ADAMTS8: variants seen among roughly 807,000 people sequenced by gnomAD.
ADAMTS8 encodes ADAM metallopeptidase with thrombospondin type 1 motif 8, also known as A disintegrin and metalloproteinase with thrombospondin motifs 8.
A neutral mutation model predicts 64.4 loss-of-function variants in ADAMTS8; 50 were observed. The ratio of observed to expected loss-of-function variants is 0.78; its 90% confidence interval spans 0.62 to 0.98. The LOEUF (loss-of-function observed/expected upper bound fraction) is 0.98, where lower values mean the gene tolerates loss of function less well. Among genes scored for constraint, ADAMTS8 ranks in the 50% least tolerant of loss-of-function variants. ADAMTS8 has a pLI of 0.00. For synonymous variants in ADAMTS8, 556 were observed against 533.6 expected (o/e 1.04, Z -0.58); for missense variants, 1,192 against 1,208.2 (o/e 0.99, Z 0.20).
chr11:130,422,382 C>T lies in ADAMTS8; in HGVS notation c.721-3090G>A, dbSNP rs190584754. On this transcript the variant is annotated intron_variant, in intron 1 of 8. Coordinates refer to ENST00000257359, the MANE Select transcript of ADAMTS8 (RefSeq NM_007037.6). ...CCTTCCTCAGAGCTTCTGTGGTAGC[C>T]GAAGCCAGCTGCGGTGGGTGATGGG... 3.3e-3 allele frequency among the ~76,000 whole-genome samples: 502 copies of T among 152,284 alleles called. 2 individuals carry two copies. The highest frequency in any genetic ancestry group is 4.8e-3 in the Admixed American group (73 of 15,294).
At chr11:130,422,348 A>G (rs1244650812) in intron 1 of ADAMTS8, among the ~76,000 whole-genome samples, 1 of 152,162 alleles carries the variant, frequency 6.6e-6, no homozygotes, top group Non-Finnish European at 1.5e-5. Context: ...AGATACGAAC[A>G]AGGAGATTCC....
chr11:130,407,652 C>CAG (rs1861901035), intron 8 of ADAMTS8, among the ~76,000 whole-genome samples: 1 of 152,176 alleles, frequency 6.6e-6, no homozygotes, highest in African/African-American at 2.4e-5. Flanking sequence ...GGCAGACAGG[C>CAG]AGAGTGTGGC....
rs765978068 is a variant in ADAMTS8, at chr11:130,416,145, G to A, written c.1264+18C>T. 3.9e-6 allele frequency: 6 copies of A among 1,553,952 alleles called. No individual in the cohort carries two copies. The highest frequency in any genetic ancestry group is 1.4e-5 in the African/African-American group (1 of 73,768). On this transcript the variant is annotated intron_variant, in intron 4 of 8. Transcript: ENST00000257359. The surrounding 1 kb of genome is among the most constrained non-coding windows in gnomAD (Gnocchi z 4.8). ...GGAGGCCCACGGGGACAAGTAGGGC[G>A]GGGCCGCCGGTGCCTACCGTGCCCG... is the stretch of plus-strand genomic sequence containing the variant.
intron 6 of ADAMTS8, among the ~76,000 whole-genome samples, chr11:130,409,770 C>G (rs1861930366): frequency 6.6e-6 from 1 of 152,172 alleles, no homozygotes; most frequent in Non-Finnish European, 1.5e-5. Flanking sequence ...GGGTTGCTTT[C>G]CACCCCCAAA....
chr11:130,406,248 A>G (rs1592127110), intron 8 of ADAMTS8, 120 bp from the exon 9 acceptor site: 2 of 1,260,356 alleles, frequency 1.6e-6, no homozygotes, highest in Non-Finnish European at 2.1e-6. Flanking sequence ...AAAGCAAGTA[A>G]TTAAGCAAGT....
chr11:130,422,321 C>T (rs1249923748), intron 1 of ADAMTS8, among the ~76,000 whole-genome samples: 1 of 152,114 alleles, frequency 6.6e-6, no homozygotes, highest in African/African-American at 2.4e-5. Flanking sequence ...TGGGCCAGAG[C>T]CCCTTTTGGT....
Position 130,427,966 on chromosome 11 carries a change from A to T in ADAMTS8, c.321T>A (p.Asn107Lys). 6.5e-7 allele frequency: 1 copy of T among 1,531,498 alleles called. No homozygotes were observed. Among genetic ancestry groups the T allele is most frequent in the South Asian group, 1.2e-5 (1 of 83,858 alleles). 94.9% of individuals were successfully genotyped at this position (1,531,498 alleles called of 1,614,324 possible). A position where few individuals can be genotyped will look rare whatever the true frequency, so the allele number is the denominator to read the frequency against. ...LRGCFFSGTVNGEPESLAAVS... is the reference protein window; with the variant it reads ...LRGCFFSGTVKGEPESLAAVS... ...CCGCCGCCAGCGACTCGGGCTCCCCATTCACGGTGCCGGAGAAGAAGCAGC... is the reference window on the plus strand; with the variant it reads ...CCGCCGCCAGCGACTCGGGCTCCCCTTTCACGGTGCCGGAGAAGAAGCAGC... The change falls in exon 1 of 9, where the codon AAT (asparagine) becomes AAA (lysine). Residue 107 changes from asparagine (N) to lysine (K), a missense_variant. Asn to Lys is a moderately conservative substitution (Grantham distance 94). Coordinates refer to ENST00000257359, the MANE Select transcript of ADAMTS8 (RefSeq NM_007037.6).
Position 130,427,680 on chromosome 11 carries a change from G to C in ADAMTS8, c.607C>G (p.Pro203Ala). The C allele has an allele frequency of 5.6e-6, 9 of 1,596,198 alleles. No homozygotes were observed. Among genetic ancestry groups the C allele is most frequent in the African/African-American group, 1.3e-5 (1 of 74,678 alleles). ...GTCCTACTCGTGGCCCCCAGGGGCG[G>C]TGGCGGCTCGCTAGCGCCTTCTGCC... ...EEAEGASEPP[P>A]PLGATSRTKR... The change falls in exon 1 of 9, where the codon CCG (proline) becomes GCG (alanine). Residue 203 changes from proline (P) to alanine (A), a missense_variant. Physicochemically the swap from Pro to Ala is conservative, Grantham distance 27 (BLOSUM62 -1). Coordinates refer to ENST00000257359, the MANE Select transcript of ADAMTS8 (RefSeq NM_007037.6).
chr11:130,427,238 C>A (rs1419015038), intron 1 of ADAMTS8, among the ~76,000 whole-genome samples: 1 of 152,158 alleles, frequency 6.6e-6, no homozygotes, highest in Non-Finnish European at 1.5e-5. Flanking sequence ...CCGGGGAATG[C>A]GTTGATACCC....
chr11:130,427,477 CAGAG>C (rs1233454174), intron 1 of ADAMTS8, 86 bp downstream of exon 1: 8 of 340,052 alleles, frequency 2.4e-5, no homozygotes, highest in South Asian at 2.2e-4. Flanking sequence ...TTTTTTTTCT[CAGAG>C]GGATTGGAAG....
chr11:130,426,256 G>A (rs1862165438), intron 1 of ADAMTS8, among the ~76,000 whole-genome samples: 1 of 152,094 alleles, frequency 6.6e-6, no homozygotes, highest in South Asian at 2.1e-4. Flanking sequence ...TTTCTCCCTG[G>A]GTCTTTCCTA....
chr11:130,419,582 G>A (rs73569464), intron 1 of ADAMTS8, among the ~76,000 whole-genome samples: 4,757 of 152,264 alleles, frequency 0.031, 261 homozygotes, highest in African/African-American at 0.11. Context: ...TTCAGGGGAC[G>A]ACCTAAATCC....
chr11:130,428,357 C>G lies in ADAMTS8; in HGVS notation c.-71G>C. 8.1e-7 allele frequency: 1 copy of G among 1,235,014 alleles called. No homozygotes were observed. The highest frequency in any genetic ancestry group is 1.8e-5 in the South Asian group (1 of 54,618). 76.5% of individuals were successfully genotyped at this position (1,235,014 alleles called of 1,614,324 possible). Reference sequence around the variant, plus strand: ...CAGGCGCGGGCAGGTGCTGGCGGCCCGAGCGCGGCCCGGCCGCTCTCTCCA... The same window carrying G: ...CAGGCGCGGGCAGGTGCTGGCGGCCGGAGCGCGGCCCGGCCGCTCTCTCCA... On this transcript the variant is annotated 5_prime_UTR_variant, in exon 1 of 9. Coordinates refer to ENST00000257359, the MANE Select transcript of ADAMTS8 (RefSeq NM_007037.6).
intron 8 of ADAMTS8, among the ~76,000 whole-genome samples, chr11:130,406,799 A>G (rs1195413189): frequency 2.0e-5 from 3 of 152,214 alleles, no homozygotes; most frequent in Admixed American, 6.5e-5. Flanking sequence ...CCAGTCCATT[A>G]TAGGCTTAGG....
Position 130,408,583 on chromosome 11 carries a change from C to G in ADAMTS8, c.1980G>C (p.Gln660His). Residue 660 changes from glutamine (Q) to histidine (H), a missense_variant, in exon 8 of 9, where the codon CAG becomes CAC. Physicochemically the swap from Gln to His is conservative, Grantham distance 24 (BLOSUM62 0). Transcript: ENST00000257359. ...CATGGTCACAGCCGGCCTTGACACA[C>G]TGGCCACGGACACAGATGGCCAGTG... ...PETLAICVRG[Q>H]CVKAGCDHVV... 3 of 1,614,216 alleles carry G rather than the reference C, an allele frequency of 1.9e-6. No homozygotes were observed. Among genetic ancestry groups the G allele is most frequent in the Non-Finnish European group, 2.5e-6 (3 of 1,180,040 alleles).
At chr11:130,424,353 T>C (rs1246344635) in intron 1 of ADAMTS8, among the ~76,000 whole-genome samples, 1 of 152,192 alleles carries the variant, frequency 6.6e-6, no homozygotes, top group Admixed American at 6.5e-5. Context: ...ACTGGTATTT[T>C]CATGGAGGTG....
chr11:130,427,113 C>G (rs1862176848), intron 1 of ADAMTS8, among the ~76,000 whole-genome samples: 1 of 152,272 alleles, frequency 6.6e-6, no homozygotes, highest in South Asian at 2.1e-4. Context: ...CTCTCTCCAT[C>G]CCATCTGCCT....
At chr11:130,420,378 C>G (rs1320094343) in intron 1 of ADAMTS8, among the ~76,000 whole-genome samples, 2 of 152,206 alleles carry the variant, frequency 1.3e-5, no homozygotes, top group African/African-American at 4.8e-5. Flanking sequence ...CGCTCTCCTG[C>G]CTCAGCGACC....
In ADAMTS8 at chr11:130,416,852, C is replaced by A; in HGVS notation, c.1096+88G>T. 3 of 1,573,552 alleles carry A rather than the reference C, an allele frequency of 1.9e-6. No homozygotes were observed. The highest frequency in any genetic ancestry group is 2.6e-6 in the Non-Finnish European group (3 of 1,152,182). On this transcript the variant is annotated intron_variant, in intron 3 of 8. Coordinates refer to ENST00000257359, the MANE Select transcript of ADAMTS8 (RefSeq NM_007037.6). The surrounding 1 kb of genome is among the most constrained non-coding windows in gnomAD (Gnocchi z 4.8). ...AGGAGCTATTCCTAAGCAAGGGCCG[C>A]ATATTCCTTAGGATCTACGCAACCT...
Sources: allele counts gnomAD v4.1 joint callset (sites outside exome capture counted in the v4.1 genomes callset), GRCh38; gene constraint gnomAD v4.1.1; non-coding constraint Gnocchi (gnomAD v3.1); transcripts MANE v1.5; gene names NCBI Gene and HGNC (gene_info 2026-07-23, HGNC 2026-07-21).